The following RELL1 variants were observed in gnomAD, a reference collection of about 807,000 sequenced individuals.
RELL1 encodes the protein RELT like 1, also known as RELT-like protein 1.
Under a neutral mutation model 23.0 loss-of-function variants are expected in RELL1, and 10 were observed. The observed-to-expected ratio is 0.43, with a 90% CI of 0.27 to 0.74. The LOEUF is 0.74. RELL1 is among the 30% of genes least tolerant of loss of function. The pLI is 0.19. For missense variants in RELL1, 315 were observed against 364.4 expected, an observed-to-expected ratio of 0.86 and a Z score of 1.10; for synonymous variants, 146 against 146.8, an observed-to-expected ratio of 0.99 and a Z score of 0.04.
At chr4:37,678,786 C>T (rs1294701649) in intron 1 of RELL1, among the ~76,000 whole-genome samples, 1 of 152,232 alleles carries the variant, frequency 6.6e-6, no homozygotes, top group Non-Finnish European at 1.5e-5. Context: ...GGCAGCTCAG[C>T]CATATTCTCT....
At chr4:37,644,337 G>C (rs147140769) in intron 3 of RELL1, among the ~76,000 whole-genome samples, 71 of 152,048 alleles carry the variant, frequency 4.7e-4, no homozygotes, top group African/African-American at 1.6e-3. Flanking sequence ...ATACCTGCTT[G>C]TGTGACTTTG....
At chr4:37,588,785 A>G (rs1718442080), downstream of RELL1, 6 of 1,268,056 alleles carry the variant, frequency 4.7e-6, no homozygotes, top group South Asian at 7.3e-5. Context: ...AAAAAGGCAA[A>G]CTTAATTCCT....
Position 37,686,350 on chromosome 4 carries a change from G to A in RELL1, c.-63C>T. 4.6e-6 allele frequency: 6 copies of A among 1,292,044 alleles called. No homozygotes were observed. The South Asian group carries it at 4.7e-5, about 10-fold the overall frequency. The allele number at this position is 1,292,044 out of a possible 1,614,324, so 80.0% of individuals were successfully genotyped here. Reference sequence around the variant, plus strand: ...GTCCCGCGCTCGGGAAGGCAGAGCCGCTCCGGAGCCGGCGGGCTGATCGAG... The same window carrying A: ...GTCCCGCGCTCGGGAAGGCAGAGCCACTCCGGAGCCGGCGGGCTGATCGAG... On this transcript the variant is annotated 5_prime_UTR_variant, in exon 1 of 7. Coordinates refer to ENST00000454158, the MANE Select transcript of RELL1 (RefSeq NM_001085400.2).
At chr4:37,669,414 G>C (rs1412982272) in intron 1 of RELL1, among the ~76,000 whole-genome samples, 4 of 149,254 alleles carry the variant, frequency 2.7e-5, no homozygotes, top group African/African-American at 7.4e-5. Flanking sequence ...GAGGTGGGGG[G>C]GTCAGCCCCC....
chr4:37,685,487 A>C (rs1722372048), intron 1 of RELL1, among the ~76,000 whole-genome samples: 1 of 152,126 alleles, frequency 6.6e-6, no homozygotes, highest in African/African-American at 2.4e-5. Flanking sequence ...TCAATTAAAA[A>C]CTGCTTCATC....
At chr4:37,649,590 G>T (rs1490983973) in intron 1 of RELL1, 90 bp from the exon 2 acceptor site, 4 of 1,217,158 alleles carry the variant, frequency 3.3e-6, no homozygotes, top group Non-Finnish European at 4.7e-6. Context: ...AGTAAGTCAG[G>T]GTCTGCTCCC....
chr4:37,671,580 G>T (rs1721834503), intron 1 of RELL1, among the ~76,000 whole-genome samples: 1 of 152,202 alleles, frequency 6.6e-6, no homozygotes, highest in Non-Finnish European at 1.5e-5. Flanking sequence ...ATGTTGGGAA[G>T]TTACCTATAT....
intron 3 of RELL1, among the ~76,000 whole-genome samples, chr4:37,645,141 T>C (rs1353446180): frequency 6.6e-6 from 1 of 152,220 alleles, no homozygotes; most frequent in Non-Finnish European, 1.5e-5. Flanking sequence ...TCTCACAGTT[T>C]ACTTATTTCG....
rs1400887292 is a variant in RELL1 at position 37,612,388 on chromosome 4, C to G, written c.*958G>C. On this transcript the variant is annotated 3_prime_UTR_variant, in exon 7 of 7. Transcript: ENST00000454158. ...CAGTGGCCCACGCCTATATTCCCAG[C>G]ACTTTGGGAGGCCGAGGCGGGTAGA... 6.8e-6 allele frequency among the ~76,000 whole-genome samples: 1 copy of G among 147,298 alleles called. No homozygotes were observed. Among genetic ancestry groups the G allele is most frequent in the Admixed American group, 6.7e-5 (1 of 14,828 alleles).
chr4:37,684,574 C>A (rs1292724045), intron 1 of RELL1, among the ~76,000 whole-genome samples: 1 of 152,164 alleles, frequency 6.6e-6, no homozygotes, highest in Non-Finnish European at 1.5e-5. Context: ...TGACTCTAAC[C>A]CTCTAATGAA....
intron 1 of RELL1, among the ~76,000 whole-genome samples, chr4:37,680,756 G>T (rs1722189287): frequency 6.6e-6 from 1 of 151,958 alleles, no homozygotes; most frequent in Non-Finnish European, 1.5e-5. Flanking sequence ...GTGAAACACT[G>T]TCTCTACTAA....
chr4:37,589,750 G>A (rs1330366603), downstream of RELL1, among the ~76,000 whole-genome samples: 2 of 152,096 alleles, frequency 1.3e-5, no homozygotes, highest in East Asian at 1.9e-4. Flanking sequence ...TCCTATCTCA[G>A]CCTCCCGAGT....
At chr4:37,605,969 G>A (rs1161449873), downstream of RELL1, among the ~76,000 whole-genome samples, 2 of 146,704 alleles carry the variant, frequency 1.4e-5, no homozygotes, top group African/African-American at 5.1e-5. Context: ...GAGAGAGGGA[G>A]GGAGGAAGGA....
chr4:37,678,372 A>G (rs77869852), intron 1 of RELL1, among the ~76,000 whole-genome samples: 5,167 of 152,324 alleles, frequency 0.034, 114 homozygotes, highest in African/African-American at 0.061. Flanking sequence ...TATACAGACT[A>G]TATCACCTTA....
intron 1 of RELL1, among the ~76,000 whole-genome samples, chr4:37,651,587 C>G (rs969703684): frequency 1.3e-5 from 2 of 152,190 alleles, no homozygotes; most frequent in African/African-American, 4.8e-5. Context: ...AATGCCCAGG[C>G]AGACAGGGTT....
chr4:37,657,251 C>T (rs1358870709), intron 1 of RELL1, among the ~76,000 whole-genome samples: 1 of 152,120 alleles, frequency 6.6e-6, no homozygotes, highest in Non-Finnish European at 1.5e-5. Context: ...CTTTGGTGGC[C>T]TTGCTGGAGC....
intron 4 of RELL1, among the ~76,000 whole-genome samples, chr4:37,635,635 A>C (rs1211563501): frequency 6.6e-6 from 1 of 152,196 alleles, no homozygotes; most frequent in Non-Finnish European, 1.5e-5. Flanking sequence ...TAGAAGAAAA[A>C]AAAATGTGAT....
At chr4:37,665,935 C>T (rs749226306) in intron 1 of RELL1, among the ~76,000 whole-genome samples, 4 of 152,070 alleles carry the variant, frequency 2.6e-5, no homozygotes, top group Non-Finnish European at 5.9e-5. Context: ...ATGGGTGGTG[C>T]TGAGCTGGCT....
chr4:37,684,212 A>T (rs1339567802), intron 1 of RELL1, among the ~76,000 whole-genome samples: 1 of 152,200 alleles, frequency 6.6e-6, no homozygotes, highest in Non-Finnish European at 1.5e-5. Flanking sequence ...CATTAACACC[A>T]TCTTTGGTTG....
Sources: allele counts gnomAD v4.1 joint callset (sites outside exome capture counted in the v4.1 genomes callset), GRCh38; gene constraint gnomAD v4.1.1; transcripts MANE v1.5; gene names NCBI Gene and HGNC (gene_info 2026-07-23, HGNC 2026-07-21).